Variants in PPP1R12B observed in about 807,000 individuals in gnomAD.
PPP1R12B encodes the protein myosin phosphatase target subunit 2.
PPP1R12B carries 76 observed loss-of-function variants against 126.1 expected under a neutral mutation model. The ratio of observed to expected loss-of-function variants is 0.60; its 90% CI spans 0.50 to 0.73. The LOEUF is 0.73. Ranked by LOEUF, PPP1R12B falls within the 30% of genes least tolerant of loss-of-function variation. The probability of loss-of-function intolerance (pLI) is 0.00; values close to 1 mark genes in which losing one functional copy is unlikely to be tolerated. For synonymous variants in PPP1R12B, 356 were observed against 434.7 expected, an observed-to-expected ratio of 0.82 and a Z score of 2.25; for missense variants, 1,052 against 1,205.1, an observed-to-expected ratio of 0.87 and a Z score of 1.88.
chr1:202,434,596 T>C (rs1670570713), intron 8 of PPP1R12B, 60 bp from the exon 9 acceptor site: 2 of 1,568,284 alleles, frequency 1.3e-6, no homozygotes, highest in Non-Finnish European at 1.7e-6. Context: ...GAAAAGGACA[T>C]AGACACAAAG....
chr1:202,580,407 C>A (rs1389321427), intron 23 of PPP1R12B, 67 bp from the exon 24 acceptor site: 7 of 1,312,604 alleles, frequency 5.3e-6, no homozygotes. Context: ...CTGGCCTGGC[C>A]TGGTCAGGGA....
At chr1:202,575,083 G>T in intron 23 of PPP1R12B, 2 of 1,613,678 alleles carry the variant, frequency 1.2e-6, no homozygotes, top group Non-Finnish European at 1.7e-6. Flanking sequence ...CCTGACCCGA[G>T]TGGTGGCCAG....
intron 1 of PPP1R12B, among the ~76,000 whole-genome samples, chr1:202,387,685 C>T (rs1413064836): frequency 6.6e-6 from 1 of 152,072 alleles, no homozygotes; most frequent in Non-Finnish European, 1.5e-5. Flanking sequence ...AAACAAACTC[C>T]CTATTTGATC....
intron 13 of PPP1R12B, among the ~76,000 whole-genome samples, chr1:202,476,697 AT>A (rs1332191062): frequency 8.8e-4 from 133 of 151,134 alleles, no homozygotes; most frequent in Middle Eastern, 3.4e-3. Flanking sequence ...AAAAAAAAAA[AT>A]TTTTTTTTAG....
chr1:202,553,835 G>C (rs1231254958), intron 18 of PPP1R12B, among the ~76,000 whole-genome samples: 1 of 152,048 alleles, frequency 6.6e-6, no homozygotes, highest in East Asian at 1.9e-4. Flanking sequence ...TGCCTCTTCT[G>C]ATGTCACTTC....
intron 18 of PPP1R12B, among the ~76,000 whole-genome samples, chr1:202,520,241 C>T (rs1682628867): frequency 1.3e-5 from 2 of 152,186 alleles, no homozygotes; most frequent in Admixed American, 6.5e-5. Flanking sequence ...CAAAAGAGGG[C>T]CTGGCTTAGC....
intron 18 of PPP1R12B, among the ~76,000 whole-genome samples, chr1:202,523,376 A>G (rs1478359605): frequency 6.6e-6 from 1 of 152,238 alleles, no homozygotes; most frequent in Non-Finnish European, 1.5e-5. Context: ...AGGTTGTAAT[A>G]TAAACAGTGG....
At chr1:202,470,267 A>G (rs1406267124) in intron 13 of PPP1R12B, among the ~76,000 whole-genome samples, 1 of 152,156 alleles carries the variant, frequency 6.6e-6, no homozygotes, top group Non-Finnish European at 1.5e-5. Context: ...TTTCTGGCAT[A>G]TTTAGCTTCC....
intron 18 of PPP1R12B, among the ~76,000 whole-genome samples, chr1:202,504,907 G>C (rs553011313): frequency 1.1e-3 from 167 of 152,308 alleles, no homozygotes; most frequent in Non-Finnish European, 2.1e-3. Context: ...TTTAAATAGA[G>C]ATGATTACAA....
At chr1:202,447,890 A>C (rs1672473453) in intron 12 of PPP1R12B, among the ~76,000 whole-genome samples, 1 of 152,196 alleles carries the variant, frequency 6.6e-6, no homozygotes, top group South Asian at 2.1e-4. Context: ...AAAAGACTAT[A>C]AAATTTCACC....
intron 1 of PPP1R12B, among the ~76,000 whole-genome samples, chr1:202,375,488 T>C (rs1360143448): frequency 6.6e-6 from 1 of 152,236 alleles, no homozygotes; most frequent in Non-Finnish European, 1.5e-5. Flanking sequence ...CTTCTTTGAC[T>C]ACCAATTTTA....
At chr1:202,558,036 C>T (rs1040881250) in intron 18 of PPP1R12B, among the ~76,000 whole-genome samples, 3 of 152,126 alleles carry the variant, frequency 2.0e-5, no homozygotes, top group East Asian at 1.9e-4. Flanking sequence ...TTCTCTTCCT[C>T]CTCTTGTCTG....
At chr1:202,568,169 T>TACACAC (rs112151278) in intron 22 of PPP1R12B, among the ~76,000 whole-genome samples, 122 of 147,458 alleles carry the variant, frequency 8.3e-4, no homozygotes, top group South Asian at 2.0e-3. Context: ...AATCATTGCA[T>TACACAC]ACACACACAC....
At position 202,434,763 on chromosome 1, in the gene PPP1R12B, A is replaced by G; in HGVS notation, c.1249A>G (p.Arg417Gly). Residue 417 changes from arginine to glycine, a missense_variant, in exon 9 of 24, where the codon AGG (arginine) becomes GGG (glycine). Arg to Gly is a moderately radical substitution (Grantham distance 125). Transcript: ENST00000608999. The part of the protein sequence containing the change: ...AQNTFSASSA[R>G]RFSSGLFNKP... Reference sequence around the variant, plus strand: ...AAATACCTTCTCTGCCTCTTCTGCTAGGAGGGTGAGTACTTTTTACTTAAT... The same window carrying G: ...AAATACCTTCTCTGCCTCTTCTGCTGGGAGGGTGAGTACTTTTTACTTAAT... 1.9e-6 allele frequency: 3 copies of G among 1,613,746 alleles called. No homozygotes were observed. Among genetic ancestry groups the G allele is most frequent in the Non-Finnish European group, 2.5e-6 (3 of 1,179,904 alleles).
intron 13 of PPP1R12B, among the ~76,000 whole-genome samples, chr1:202,455,044 T>C (rs1032687335): frequency 8.5e-5 from 13 of 152,052 alleles, no homozygotes; most frequent in African/African-American, 2.9e-4. Flanking sequence ...GGAGTGGGCA[T>C]TGCAAACAAA....
At chr1:202,446,688 G>T (rs568722825) in intron 12 of PPP1R12B, among the ~76,000 whole-genome samples, 2 of 151,590 alleles carry the variant, frequency 1.3e-5, no homozygotes, top group South Asian at 4.2e-4. Context: ...CCCATTATGT[G>T]ACAGGCATTT....
In PPP1R12B at chr1:202,565,232, C is replaced by G. The variant is rs1193614473; in HGVS notation, c.2757+685C>G. On this transcript the variant is annotated intron_variant, in intron 21 of 23. Coordinates refer to ENST00000608999, the MANE Select transcript of PPP1R12B (RefSeq NM_002481.4). This position sits in a 1 kb window ranked among gnomAD's most constrained non-coding sequence, Gnocchi z 4.3. ...CTTGTCACCAGTGAAACAAACTCCGCAGCTGAAAGCTAAAGCAAGCACTGC... is the reference window on the plus strand; with the variant it reads ...CTTGTCACCAGTGAAACAAACTCCGGAGCTGAAAGCTAAAGCAAGCACTGC... Among the ~76,000 whole-genome samples the G allele has an allele frequency of 6.6e-6, 1 of 152,210 alleles. No individual in the cohort carries two copies. Among genetic ancestry groups the G allele is most frequent in the East Asian group, 1.9e-4 (1 of 5,200 alleles).
intron 1 of PPP1R12B, among the ~76,000 whole-genome samples, chr1:202,388,303 C>A (rs1017081085): frequency 3.9e-5 from 6 of 152,170 alleles, no homozygotes; most frequent in Non-Finnish European, 8.8e-5. Flanking sequence ...TCTGCCTCAG[C>A]CTCCTGAGTA....
intron 1 of PPP1R12B, among the ~76,000 whole-genome samples, chr1:202,387,922 G>A (rs1663429901): frequency 6.6e-6 from 1 of 151,736 alleles, no homozygotes; most frequent in Non-Finnish European, 1.5e-5. Flanking sequence ...ATTAGTTGTG[G>A]GATTAACACA....
Sources: gnomAD v4.1 joint callset for allele counts (sites outside exome capture counted in the v4.1 genomes callset) on GRCh38, gnomAD v4.1.1 for gene constraint, Gnocchi (gnomAD v3.1) non-coding constraint, MANE v1.5 for transcripts, NCBI Gene and HGNC (gene_info 2026-07-23, HGNC 2026-07-21) for gene names.